BBS7: variants seen among roughly 807,000 people sequenced by gnomAD.
BBS7 encodes Bardet-Biedl syndrome 7.
Under a neutral mutation model 90.3 loss-of-function variants are expected in BBS7, and 50 were observed. The observed-to-expected ratio is 0.55, with a 90% confidence interval of 0.44 to 0.70. BBS7 has a LOEUF of 0.70. BBS7 is among the 30% of genes least tolerant of loss of function. The pLI is 0.00. For synonymous variants in BBS7, 235 were observed against 287.4 expected (o/e 0.82, Z 1.85); for missense variants, 729 against 838.9 (o/e 0.87, Z 1.62).
intron 5 of BBS7, chr4:121,858,779 C>T (rs1486335825): frequency 1.9e-6 from 1 of 524,834 alleles, no homozygotes; most frequent in Non-Finnish European, 3.3e-6. Flanking sequence ...AAAAAAAATC[C>T]TTTTTCTTCC....
At position 121,828,312 on chromosome 4, in the gene BBS7, C is replaced by A. The variant is rs751753954; in HGVS notation, c.1891-43G>T. 3 of 1,596,870 alleles carry A rather than the reference C, an allele frequency of 1.9e-6. No homozygotes were observed. The Admixed American group carries it at 5.0e-5, about 27-fold the overall frequency. On this transcript the variant is annotated intron_variant, in intron 17 of 18. Transcript: ENST00000264499. ...CAGAAGCACCTTAATATTCAAAATT[C>A]AATCCAATGTAATGTTAAAGTATTG... is the stretch of plus-strand genomic sequence containing the variant.
chr4:121,865,342 G>A (rs774875143), intron 2 of BBS7, among the ~76,000 whole-genome samples: 3 of 151,558 alleles, frequency 2.0e-5, no homozygotes, highest in Admixed American at 6.6e-5. Context: ...GGGTTCAAGC[G>A]ATTCTCCCAT....
intron 5 of BBS7, among the ~76,000 whole-genome samples, chr4:121,855,785 T>C (rs1420534241): frequency 6.6e-6 from 1 of 151,646 alleles, no homozygotes; most frequent in Non-Finnish European, 1.5e-5. Flanking sequence ...AATGTATACA[T>C]ATATACGTAT....
chr4:121,859,223 T>C (rs754208037), intron 4 of BBS7, 45 bp from the exon 5 acceptor site: 3 of 1,555,804 alleles, frequency 1.9e-6, no homozygotes, highest in Non-Finnish European at 2.7e-6. Flanking sequence ...GCACAGGTAC[T>C]GAATTTTTTT....
chr4:121,862,066 C>T (rs112289025), intron 3 of BBS7, among the ~76,000 whole-genome samples: 377 of 152,248 alleles, frequency 2.5e-3, no homozygotes, highest in African/African-American at 8.8e-3. Flanking sequence ...ATTGGATTAA[C>T]AATACTCCTA....
intron 2 of BBS7, among the ~76,000 whole-genome samples, chr4:121,865,057 C>T (rs1727182174): frequency 6.6e-6 from 1 of 152,016 alleles, no homozygotes; most frequent in Non-Finnish European, 1.5e-5. Context: ...TTCCCTCTAC[C>T]CTTTGCAGCC....
At chr4:121,842,336 T>A (rs557220368) in intron 12 of BBS7, among the ~76,000 whole-genome samples, 3 of 151,774 alleles carry the variant, frequency 2.0e-5, no homozygotes, top group African/African-American at 7.2e-5. Flanking sequence ...TCCTCCTTTT[T>A]AAAAATATAT....
intron 7 of BBS7, among the ~76,000 whole-genome samples, chr4:121,853,834 A>C (rs1420733170): frequency 6.6e-6 from 1 of 152,076 alleles, no homozygotes; most frequent in Non-Finnish European, 1.5e-5. Context: ...CTGTTTTCCA[A>C]GGCTTACACA....
intron 13 of BBS7, among the ~76,000 whole-genome samples, chr4:121,837,671 ATTATGGTAGTT>A (rs1174170913): frequency 1.3e-5 from 2 of 151,986 alleles, no homozygotes; most frequent in African/African-American, 4.8e-5. Context: ...CATTATTTTT[ATTATGGTAGTT>A]TTATGGTATG....
chr4:121,842,426 G>A (rs1725791774), intron 12 of BBS7, among the ~76,000 whole-genome samples: 1 of 151,486 alleles, frequency 6.6e-6, no homozygotes, highest in African/African-American at 2.4e-5. Context: ...CTTAGGCCCA[G>A]GAGTTTGAGA....
chr4:121,837,355 T>C (rs1405455669), intron 13 of BBS7, among the ~76,000 whole-genome samples: 2 of 152,216 alleles, frequency 1.3e-5, no homozygotes, highest in Non-Finnish European at 2.9e-5. Flanking sequence ...TTATATGTTA[T>C]TGACAATTAC....
At chr4:121,832,149 C>G (rs1350734000) in intron 15 of BBS7, among the ~76,000 whole-genome samples, 2 of 151,874 alleles carry the variant, frequency 1.3e-5, no homozygotes, top group Non-Finnish European at 2.9e-5. Context: ...TTGAGACCAG[C>G]TTGACCAACA....
intron 1 of BBS7, among the ~76,000 whole-genome samples, chr4:121,869,387 T>A (rs1727462809): frequency 6.6e-6 from 1 of 152,216 alleles, no homozygotes; most frequent in Non-Finnish European, 1.5e-5. Context: ...CACTCCCTAA[T>A]TTTTAGCTAT....
chr4:121,846,679 C>T (rs973990954), intron 10 of BBS7, among the ~76,000 whole-genome samples: 1 of 152,236 alleles, frequency 6.6e-6, no homozygotes. Context: ...TTTGCATGAA[C>T]ATTACAGTTT....
intron 11 of BBS7, among the ~76,000 whole-genome samples, chr4:121,844,258 C>A (rs1725891324): frequency 6.6e-6 from 1 of 152,144 alleles, no homozygotes; most frequent in African/African-American, 2.4e-5. Flanking sequence ...TCTCACCACC[C>A]CCTTAAAAGT....
At chr4:121,847,530 G>A (rs752362591) in intron 9 of BBS7, 24 bp from the exon 10 acceptor site, 23 of 1,483,340 alleles carry the variant, frequency 1.6e-5, no homozygotes, top group African/African-American at 1.1e-4. Context: ...TTACAATCAC[G>A]CACCACTTAG....
intron 5 of BBS7, 36 bp from the exon 6 acceptor site, chr4:121,855,597 C>T (rs1398902910): frequency 1.3e-6 from 2 of 1,554,848 alleles, no homozygotes; most frequent in Admixed American, 1.7e-5. Context: ...AAACAGAATA[C>T]AAACTGAAAA....
In BBS7 at chr4:121,852,951, C is replaced by T; in HGVS notation, c.849+5G>A. The T allele has an allele frequency of 6.2e-7, 1 of 1,613,216 alleles. No individual in the cohort carries two copies. Among genetic ancestry groups the T allele is most frequent in the Non-Finnish European group, 8.5e-7 (1 of 1,179,474 alleles). On this transcript the variant is annotated splice_donor_5th_base_variant and intron_variant, in intron 8 of 18. Transcript: ENST00000264499. ...TAAGCATATAGTCTTTTTTAATGAA[C>T]TTACCTGATCAAATCGTAGAACAGG... is the stretch of plus-strand genomic sequence containing the variant.
chr4:121,848,213 G>C (rs938734478), intron 9 of BBS7, among the ~76,000 whole-genome samples: 1 of 152,090 alleles, frequency 6.6e-6, no homozygotes, highest in Admixed American at 6.6e-5. Context: ...CCTTATCCAC[G>C]ATTCCACTTT....
Sources: gnomAD v4.1 joint callset for allele counts (sites outside exome capture counted in the v4.1 genomes callset) on GRCh38, gnomAD v4.1.1 for gene constraint, MANE v1.5 for transcripts, NCBI Gene and HGNC (gene_info 2026-07-23, HGNC 2026-07-21) for gene names.